Variants in RALGPS2 observed in about 807,000 individuals in gnomAD.
RALGPS2 encodes Ral GEF with PH domain and SH3 binding motif 2.
In RALGPS2, 43 loss-of-function variants were observed where a neutral mutation model predicts 86.8. That is an observed-to-expected ratio of 0.50 (90% confidence interval 0.39 to 0.64). RALGPS2 has a LOEUF of 0.64. Ranked by LOEUF, RALGPS2 falls within the 30% of genes least tolerant of loss-of-function variation. The probability of loss-of-function intolerance (pLI) is 0.00; values close to 1 mark genes in which losing one functional copy is unlikely to be tolerated. For missense variants in RALGPS2, 536 were observed against 694.6 expected (o/e 0.77, Z 2.57); for synonymous variants, 243 against 231.3 (o/e 1.05, Z -0.46).
chr1:178,752,906 T>C (rs761746140), intron 1 of RALGPS2, among the ~76,000 whole-genome samples: 1 of 152,208 alleles, frequency 6.6e-6, no homozygotes, highest in African/African-American at 2.4e-5. Context: ...TATGTATGTA[T>C]CCTGAATGGA....
At chr1:178,762,993 A>G (rs1652327408) in intron 1 of RALGPS2, among the ~76,000 whole-genome samples, 1 of 151,864 alleles carries the variant, frequency 6.6e-6, no homozygotes, top group Non-Finnish European at 1.5e-5. Flanking sequence ...TTAAGTCTTT[A>G]CTCCATCTTG....
chr1:178,816,627 T>C (rs1356774007), intron 6 of RALGPS2, among the ~76,000 whole-genome samples: 1 of 152,150 alleles, frequency 6.6e-6, no homozygotes, highest in Non-Finnish European at 1.5e-5. Flanking sequence ...TTTTGTGTCT[T>C]GTTTAATAAA....
At chr1:178,833,583 A>C (rs756150310) in intron 8 of RALGPS2, 33 bp downstream of exon 8, 4 of 1,516,700 alleles carry the variant, frequency 2.6e-6, no homozygotes, top group Admixed American at 2.7e-5. Context: ...TTTTGTTTCT[A>C]GTTGTTACTC....
At chr1:178,794,171 C>T (rs1458440734) in intron 4 of RALGPS2, among the ~76,000 whole-genome samples, 23 of 152,102 alleles carry the variant, frequency 1.5e-4, no homozygotes, top group Non-Finnish European at 3.1e-4. Flanking sequence ...GGCTGGGGAG[C>T]AGTGATGTGA....
rs778994042 is a variant in RALGPS2, at chr1:178,883,490, G to A, written c.861G>A (p.Gly287=). ...NYKLSLKIEP[G]TSTPRSAASR... is the part of the protein sequence containing the mutation. ...GGCTTTCATTAAAGATAGAACCAGG[G>A]ACAAGCACCCCACGTTCTGCTGCTT... The change falls in exon 11 of 20, where the codon GGG becomes GGA. Residue 287 remains glycine (G), a synonymous_variant. Transcript: ENST00000367635. 1.8e-5 allele frequency: 29 copies of A among 1,613,274 alleles called. No homozygotes were observed. The highest frequency in any genetic ancestry group is 2.5e-5 in the Non-Finnish European group (29 of 1,179,358).
chr1:178,880,823 A>G (rs1399799022), intron 10 of RALGPS2, among the ~76,000 whole-genome samples: 1 of 152,224 alleles, frequency 6.6e-6, no homozygotes, highest in Non-Finnish European at 1.5e-5. Context: ...GTAAAATTAT[A>G]ATACAATATT....
chr1:178,841,190 A>C (rs1224085728), intron 8 of RALGPS2, among the ~76,000 whole-genome samples: 1 of 152,074 alleles, frequency 6.6e-6, no homozygotes, highest in Non-Finnish European at 1.5e-5. Context: ...TGGCAGAGAC[A>C]CAACAAAAAA....
Position 178,748,086 on chromosome 1 carries a change from G to A in RALGPS2, c.-84+22667G>A, listed in dbSNP as rs187639329. ...TGTAATCCCAGCACTTTGGGAGGCC[G>A]AGGCGGGTGGATCACTTGAGGTCAG... On this transcript the variant is annotated intron_variant, in intron 1 of 19. Transcript: ENST00000367635. 2.8e-3 allele frequency among the ~76,000 whole-genome samples: 426 copies of A among 152,288 alleles called. 5 individuals are homozygous for A. The highest frequency in any genetic ancestry group is 7.7e-4 in the East Asian group (4 of 5,174).
rs1037916668 is a variant in RALGPS2, at chr1:178,877,938, TCACAGCTATTTGGCCCTTTATAG to T, written c.745+327_745+349del. Among the ~76,000 whole-genome samples, 16 of 152,278 alleles carry T rather than the reference TCACAGCTATTTGGCCCTTTATAG, an allele frequency of 1.1e-4. No individual in the cohort carries two copies. In the East Asian group the frequency reaches 2.1e-3, roughly 20 times the overall value. On this transcript the variant is annotated intron_variant, in intron 9 of 19. Coordinates refer to ENST00000367635, the MANE Select transcript of RALGPS2 (RefSeq NM_152663.5). ...GCACTAAGTATTTAATATTACTACC[TCACAGCTATTTGGCCCTTTATAG>T]CACAGCTATTTGGCCCTTTATAGTT...
At chr1:178,751,840 G>A (rs1467662542) in intron 1 of RALGPS2, among the ~76,000 whole-genome samples, 2 of 152,136 alleles carry the variant, frequency 1.3e-5, no homozygotes, top group Non-Finnish European at 2.9e-5. Flanking sequence ...GCTACAAGTC[G>A]CTATGCAAAT....
At chr1:178,867,613 G>A (rs1029934555) in intron 8 of RALGPS2, among the ~76,000 whole-genome samples, 3 of 151,804 alleles carry the variant, frequency 2.0e-5, no homozygotes, top group Non-Finnish European at 2.9e-5. Flanking sequence ...CTTGTTTTTC[G>A]CTGCCTTTTC....
intron 4 of RALGPS2, among the ~76,000 whole-genome samples, chr1:178,798,023 A>T (rs1572342781): frequency 6.7e-6 from 1 of 150,328 alleles, no homozygotes; most frequent in African/African-American, 2.4e-5. Context: ...GCTTAGAAAT[A>T]TAAAAAAAAA....
intron 4 of RALGPS2, among the ~76,000 whole-genome samples, chr1:178,788,608 G>A (rs72705200): frequency 0.045 from 6,878 of 152,180 alleles, 158 homozygotes; most frequent in Non-Finnish European, 0.057. Flanking sequence ...AGGGAAAGTC[G>A]GGGCAAAGGC....
At chr1:178,873,833 A>G (rs148467134) in intron 8 of RALGPS2, among the ~76,000 whole-genome samples, 4 of 152,324 alleles carry the variant, frequency 2.6e-5, no homozygotes, top group East Asian at 3.9e-4. Context: ...ACAGAAGACC[A>G]TATTTTTAAA....
chr1:178,878,799 T>C, intron 9 of RALGPS2, 103 bp from the exon 10 acceptor site: 2 of 1,471,852 alleles, frequency 1.4e-6, no homozygotes, highest in Non-Finnish European at 1.8e-6. Context: ...TAAATTTTGC[T>C]GCCATGTGGC....
At chr1:178,807,330 G>C (rs924370773) in intron 4 of RALGPS2, among the ~76,000 whole-genome samples, 3 of 152,206 alleles carry the variant, frequency 2.0e-5, no homozygotes, top group African/African-American at 7.2e-5. Context: ...GGAAGACCCT[G>C]TCTCAAAAAA....
Position 178,759,801 on chromosome 1 carries a change from T to G in RALGPS2, c.-83-16881T>G, listed in dbSNP as rs1177843713. On this transcript the variant is annotated intron_variant, in intron 1 of 19. Coordinates refer to ENST00000367635, the MANE Select transcript of RALGPS2 (RefSeq NM_152663.5). ...AATTTCATTGTAGACATCTTTTACTTTTTTGGTTAAGTTACTTCCTATGTA... is the reference window on the plus strand; with the variant it reads ...AATTTCATTGTAGACATCTTTTACTGTTTTGGTTAAGTTACTTCCTATGTA... 5.3e-5 allele frequency among the ~76,000 whole-genome samples: 8 copies of G among 152,052 alleles called. No individual in the cohort carries two copies. The East Asian group carries it at 1.3e-3, about 26-fold the overall frequency.
chr1:178,747,700 G>A (rs1651414394), intron 1 of RALGPS2: 1 of 1,414,594 alleles, frequency 7.1e-7, no homozygotes, highest in Admixed American at 1.7e-5. Flanking sequence ...TACAGCAGCT[G>A]CCAGCGATGC....
At chr1:178,749,091 A>G (rs1023207046) in intron 1 of RALGPS2, among the ~76,000 whole-genome samples, 5 of 152,172 alleles carry the variant, frequency 3.3e-5, no homozygotes, top group Non-Finnish European at 7.3e-5. Context: ...TCTCACTTAC[A>G]GGTACACACC....
Sources: gnomAD v4.1 joint callset for allele counts (sites outside exome capture counted in the v4.1 genomes callset) on GRCh38, gnomAD v4.1.1 for gene constraint, MANE v1.5 for transcripts, NCBI Gene and HGNC (gene_info 2026-07-23, HGNC 2026-07-21) for gene names.